The following PCDHGA9 variants were observed in gnomAD, a reference collection of about 807,000 sequenced individuals.
The protein encoded by PCDHGA9 is protocadherin gamma subfamily A, 9, also known as protocadherin gamma-A9.
In PCDHGA9, 37 loss-of-function variants were observed where a neutral mutation model predicts 62.5. That is an observed-to-expected ratio of 0.59 (90% CI 0.46 to 0.78). The LOEUF (loss-of-function observed/expected upper bound fraction) is 0.78, where lower values mean the gene tolerates loss of function less well. Among genes scored for constraint, PCDHGA9 ranks in the 30% least tolerant of loss-of-function variants. The pLI, the probability that PCDHGA9 is intolerant of heterozygous loss-of-function variation, is 0.00. For missense variants in PCDHGA9, 1,138 were observed against 1,166.2 expected (o/e 0.98, Z 0.35); for synonymous variants, 459 against 484.6 (o/e 0.95, Z 0.69).
At chr5:141,463,417 G>A (rs548514637) in intron 1 of PCDHGA9, among the ~76,000 whole-genome samples, 1 of 146,650 alleles carries the variant, frequency 6.8e-6, no homozygotes, top group South Asian at 2.2e-4. Context: ...ATCCTAGTTT[G>A]CGGATCCTCA....
intron 1 of PCDHGA9, among the ~76,000 whole-genome samples, chr5:141,492,490 G>C (rs2099741140): frequency 6.6e-6 from 1 of 152,208 alleles, no homozygotes; most frequent in Non-Finnish European, 1.5e-5. Context: ...CCAGGACCAG[G>C]CGAGGACTCC....
chr5:141,489,971 C>A lies in PCDHGA9; in HGVS notation c.2425-4836C>A, dbSNP rs1254025468. 1 of 1,614,060 alleles carries A rather than the reference C, an allele frequency of 6.2e-7. No homozygotes were observed. The highest frequency in any genetic ancestry group is 1.3e-5 in the African/African-American group (1 of 74,944). Reference sequence around the variant, plus strand: ...AATGATAATGCTCCAACCTTCCAATCCTCAGTTCTACGTGTGGGAATCCCA... The same window carrying A: ...AATGATAATGCTCCAACCTTCCAATACTCAGTTCTACGTGTGGGAATCCCA... On this transcript the variant is annotated intron_variant, in intron 1 of 3. Transcript: ENST00000573521. The surrounding 1 kb of genome is among the most constrained non-coding windows in gnomAD (Gnocchi z 4.5).
intron 1 of PCDHGA9, among the ~76,000 whole-genome samples, chr5:141,450,322 T>A (rs1246284108): frequency 6.6e-6 from 1 of 152,106 alleles, no homozygotes; most frequent in African/African-American, 2.4e-5. Context: ...CTAGTTGCCA[T>A]GTCTCTTTAA....
rs2095830931 is a variant in PCDHGA9 at position 141,415,116 on chromosome 5, A to G, written c.2424+9740A>G. 3 of 1,613,652 alleles carry G rather than the reference A, an allele frequency of 1.9e-6. No individual in the cohort carries two copies. The East Asian group carries it at 6.7e-5, about 36-fold the overall frequency. On this transcript the variant is annotated intron_variant, in intron 1 of 3. Transcript: ENST00000573521. The stretch of plus-strand genomic sequence containing the variant: ...GAGACGCGCTCAAGCAAAGCCTCGT[A>G]GTGGCCGTCCAGGACCACGGCCAGC...
At chr5:141,421,999 T>C in intron 1 of PCDHGA9, 1 of 1,609,214 alleles carries the variant, frequency 6.2e-7, no homozygotes, top group Non-Finnish European at 8.5e-7. Context: ...AAACATCAGC[T>C]CCGGAACTCG....
At position 141,496,642 on chromosome 5, in the gene PCDHGA9, G is replaced by C. The variant is rs1053400475; in HGVS notation, c.2483+1777G>C. Among the ~76,000 whole-genome samples the C allele has an allele frequency of 6.6e-5, 10 of 152,318 alleles. No individual in the cohort carries two copies. In the East Asian group the frequency reaches 1.5e-3, roughly 24 times the overall value. ...AGATCAAAAGGCTTGGGCTGCCCTT[G>C]CCCTTCCTTTGACCCCAGCTGTTGT... On this transcript the variant is annotated intron_variant, in intron 2 of 3. Transcript: ENST00000573521.
chr5:141,414,180 A>G, intron 1 of PCDHGA9: 2 of 1,608,986 alleles, frequency 1.2e-6, no homozygotes, highest in Middle Eastern at 1.7e-4. Context: ...TTGCAACTGC[A>G]AAAGTGTTGA....
chr5:141,481,066 A>G (rs1366968394), intron 1 of PCDHGA9, among the ~76,000 whole-genome samples: 1 of 152,156 alleles, frequency 6.6e-6, no homozygotes, highest in Non-Finnish European at 1.5e-5. Flanking sequence ...TCAAAAACAA[A>G]AAGAAAGAAA....
chr5:141,512,942 C>T lies in PCDHGA9; in HGVS notation c.*1769C>T, dbSNP rs1596321854. 3.3e-5 allele frequency: 5 copies of T among 151,644 alleles called. No individual in the cohort carries two copies. The South Asian group carries it at 1.0e-3, about 32-fold the overall frequency. The allele number at this position is 151,644 out of a possible 1,614,324, so 9.4% of individuals were successfully genotyped here. On this transcript the variant is annotated 3_prime_UTR_variant, in exon 4 of 4. Transcript: ENST00000573521. Reference sequence around the variant, plus strand: ...TAATATTTATATGGCTTTTTTTCTTCGACAAAAAAATAATAAAACGTTTCT... The same window carrying T: ...TAATATTTATATGGCTTTTTTTCTTTGACAAAAAAATAATAAAACGTTTCT...
At position 141,490,543 on chromosome 5, in the gene PCDHGA9, C is replaced by T; in HGVS notation, c.2425-4264C>T. 2 of 1,614,188 alleles carry T rather than the reference C, an allele frequency of 1.2e-6. No homozygotes were observed. Among genetic ancestry groups the T allele is most frequent in the Non-Finnish European group, 8.5e-7 (1 of 1,180,024 alleles). On this transcript the variant is annotated intron_variant, in intron 1 of 3. Transcript: ENST00000573521. The surrounding 1 kb of genome is among the most constrained non-coding windows in gnomAD (Gnocchi z 5.4). ...CAGCGATGCTGGTTCACCTTCCCTA[C>T]ACAAACATCTCACCATCAGGCTCAA...
intron 1 of PCDHGA9, among the ~76,000 whole-genome samples, chr5:141,472,718 G>A (rs980710833): frequency 1.3e-5 from 2 of 152,002 alleles, no homozygotes; most frequent in Non-Finnish European, 2.9e-5. Context: ...AGGCGCTGTG[G>A]CTCACACCTG....
intron 1 of PCDHGA9, chr5:141,413,929 C>T (rs2095693828): frequency 6.2e-7 from 1 of 1,613,342 alleles, no homozygotes; most frequent in South Asian, 1.1e-5. Context: ...GCCAGAATAC[C>T]GAGTGAGTGT....
chr5:141,432,069 A>T lies in PCDHGA9; in HGVS notation c.2424+26693A>T. ...ACCCCGCCCCTATCCACGGAAACTC[A>T]TATCTCGCTGAACGTGGCAGACACC... is the stretch of plus-strand genomic sequence containing the variant. On this transcript the variant is annotated intron_variant, in intron 1 of 3. Coordinates refer to ENST00000573521, the MANE Select transcript of PCDHGA9 (RefSeq NM_018921.3). This position sits in a 1 kb window ranked among gnomAD's most constrained non-coding sequence, Gnocchi z 6.0. The T allele has an allele frequency of 6.2e-7, 1 of 1,614,168 alleles. No homozygotes were observed. The highest frequency in any genetic ancestry group is 8.5e-7 in the Non-Finnish European group (1 of 1,180,038).
intron 1 of PCDHGA9, chr5:141,408,119 C>T (rs1271219465): frequency 6.8e-7 from 1 of 1,474,944 alleles, no homozygotes; most frequent in African/African-American, 1.4e-5. Flanking sequence ...CTCCTCCTGT[C>T]CTGGGCCGAA....
At position 141,422,706 on chromosome 5, in the gene PCDHGA9, G is replaced by A. The variant is rs758922274; in HGVS notation, c.2424+17330G>A. On this transcript the variant is annotated intron_variant, in intron 1 of 3. Transcript: ENST00000573521. ...ATGCCCTGGTCACTTACTCTCTGAC[G>A]GATGACACTGTCCAGGGGGTGCCTC... The A allele has an allele frequency of 8.1e-6, 13 of 1,602,906 alleles. No homozygotes were observed. In the South Asian group the frequency reaches 1.5e-4, roughly 18 times the overall value.
Position 141,419,305 on chromosome 5 carries a change from G to A in PCDHGA9, c.2424+13929G>A, listed in dbSNP as rs778360128. ...TCAGTGCCTCTGACCCAGACTTCGGGCTCAACGGCCGTGTCTCCTACTCTC... is the reference window on the plus strand; with the variant it reads ...TCAGTGCCTCTGACCCAGACTTCGGACTCAACGGCCGTGTCTCCTACTCTC... On this transcript the variant is annotated intron_variant, in intron 1 of 3. Transcript: ENST00000573521. The A allele has an allele frequency of 3.1e-6, 5 of 1,613,906 alleles. No individual in the cohort carries two copies. The East Asian group carries it at 1.1e-4, about 36-fold the overall frequency.
chr5:141,489,094 G>GAAT lies in PCDHGA9; in HGVS notation c.2425-5711_2425-5710insTAA, dbSNP rs2154581134. 5.1e-6 allele frequency: 2 copies of GAAT among 396,028 alleles called. No homozygotes were observed. Among genetic ancestry groups the GAAT allele is most frequent in the Non-Finnish European group, 9.0e-6 (2 of 221,296 alleles). 24.5% of individuals were successfully genotyped at this position (396,028 alleles called of 1,614,324 possible). Reference sequence around the variant, plus strand: ...CCCACCCCCGCCACTCGGTGACTAAGAACTGCTGCAAGCAGGCAAACCTCC... The same window carrying GAAT: ...CCCACCCCCGCCACTCGGTGACTAAGAATAACTGCTGCAAGCAGGCAAACCTCC... On this transcript the variant is annotated intron_variant, in intron 1 of 3. Coordinates refer to ENST00000573521, the MANE Select transcript of PCDHGA9 (RefSeq NM_018921.3). The surrounding 1 kb of genome is among the most constrained non-coding windows in gnomAD (Gnocchi z 4.5).
At position 141,511,036 on chromosome 5, in the gene PCDHGA9, G is replaced by A. The variant is rs116366286; in HGVS notation, c.2662G>A (p.Val888Met). ...CGGACCCCAGTTCACCCTGCAGCAC[G>A]TGCCCGACTACCGCCAGAATGTCTA... is the stretch of plus-strand genomic sequence containing the variant. ...RYGPQFTLQH[V>M]PDYRQNVYIP... is the part of the protein sequence containing the mutation. Residue 888 changes from valine to methionine, a missense_variant, in exon 4 of 4, where the codon GTG becomes ATG. Physicochemically the swap from Val to Met is conservative, Grantham distance 21. Transcript: ENST00000573521. 5.5e-5 allele frequency: 89 copies of A among 1,614,198 alleles called. No individual in the cohort carries two copies. The highest frequency in any genetic ancestry group is 1.6e-4 in the Middle Eastern group (1 of 6,062).
At chr5:141,412,406 G>T (rs1278637068) in intron 1 of PCDHGA9, 1 of 152,046 alleles carries the variant, frequency 6.6e-6, no homozygotes, top group African/African-American at 2.4e-5. Context: ...ATCCCTGTAA[G>T]ATAAAGTATG....
Sources: gnomAD v4.1 joint callset for allele counts (sites outside exome capture counted in the v4.1 genomes callset) on GRCh38, gnomAD v4.1.1 for gene constraint, Gnocchi (gnomAD v3.1) non-coding constraint, MANE v1.5 for transcripts, NCBI Gene and HGNC (gene_info 2026-07-23, HGNC 2026-07-21) for gene names.